The following PRKD3 variants were observed in gnomAD, a reference collection of about 807,000 sequenced individuals.
The protein encoded by PRKD3 is serine/threonine-protein kinase D3.
PRKD3 carries 47 observed loss-of-function variants against 99.2 expected under a neutral mutation model. That is an observed-to-expected ratio of 0.47 (90% confidence interval 0.38 to 0.60). The LOEUF (loss-of-function observed/expected upper bound fraction) is 0.60. Among genes scored for constraint, PRKD3 ranks in the 20% least tolerant of loss-of-function variants. The pLI, the probability that PRKD3 is intolerant of heterozygous loss-of-function variation, is 0.00. For synonymous variants in PRKD3, 392 were observed against 355.4 expected (o/e 1.10, Z -1.16); for missense variants, 1,019 against 1,088.4 (o/e 0.94, Z 0.90).
At chr2:37,269,319 A>C in intron 13 of PRKD3, 1 of 357,516 alleles carries the variant, frequency 2.8e-6, no homozygotes, top group Non-Finnish European at 5.3e-6. Flanking sequence ...AGCCCAACAT[A>C]AACTTCAAAC....
chr2:37,276,144 C>T (rs866599428), intron 9 of PRKD3, among the ~76,000 whole-genome samples: 1 of 152,060 alleles, frequency 6.6e-6, no homozygotes, highest in Admixed American at 6.6e-5. Context: ...GACACATACA[C>T]ACACACACAT....
At chr2:37,260,918 A>G (rs1205856669) in intron 14 of PRKD3, among the ~76,000 whole-genome samples, 1 of 152,226 alleles carries the variant, frequency 6.6e-6, no homozygotes, top group Non-Finnish European at 1.5e-5. Context: ...CTAGGTTACA[A>G]GGGTTGGAGA....
intron 14 of PRKD3, among the ~76,000 whole-genome samples, chr2:37,262,456 C>T (rs1572620704): frequency 6.6e-6 from 1 of 152,178 alleles, no homozygotes; most frequent in African/African-American, 2.4e-5. Flanking sequence ...GCAAAATAGA[C>T]TTGTTTGCTA....
intron 6 of PRKD3, among the ~76,000 whole-genome samples, chr2:37,284,913 G>C (rs1670021306): frequency 6.6e-6 from 1 of 151,854 alleles, no homozygotes; most frequent in African/African-American, 2.4e-5. Context: ...TTTAACATTA[G>C]GTATATCTCC....
At chr2:37,286,418 G>A in intron 5 of PRKD3, 49 bp from the exon 6 acceptor site, 4 of 1,499,676 alleles carry the variant, frequency 2.7e-6, no homozygotes, top group Non-Finnish European at 3.7e-6. Context: ...TAAAAACAGA[G>A]TAGTGGGAGC....
intron 14 of PRKD3, among the ~76,000 whole-genome samples, chr2:37,265,812 TATA>T (rs1668798813): frequency 6.6e-6 from 1 of 152,200 alleles, no homozygotes; most frequent in South Asian, 2.1e-4. Context: ...ACCAAAATGA[TATA>T]ATAATGAAGT....
intron 1 of PRKD3, among the ~76,000 whole-genome samples, chr2:37,322,090 C>T (rs950607329): frequency 6.6e-6 from 1 of 152,152 alleles, no homozygotes; most frequent in Non-Finnish European, 1.5e-5. Context: ...AGGGTTGTGT[C>T]CACGCCTCTT....
chr2:37,317,150 A>G lies in PRKD3; in HGVS notation c.-626T>C. On this transcript the variant is annotated 5_prime_UTR_variant, in exon 2 of 19. Transcript: ENST00000234179. ...CATTAGATGAATGGGTCCATCGAGA[A>G]AAGCTGATGCTTTCTGACATATAGT... is the stretch of plus-strand genomic sequence containing the variant. 1 of 985,112 alleles carries G rather than the reference A, an allele frequency of 1.0e-6. No homozygotes were observed. The highest frequency in any genetic ancestry group is 1.2e-6 in the Non-Finnish European group (1 of 829,610). The allele number at this position is 985,112 out of a possible 1,614,324, so 61.0% of individuals were successfully genotyped here. A position where few individuals can be genotyped will look rare whatever the true frequency, so the allele number is the denominator to read the frequency against.
chr2:37,314,380 T>C (rs1671571718), intron 2 of PRKD3, among the ~76,000 whole-genome samples: 1 of 152,180 alleles, frequency 6.6e-6, no homozygotes, highest in South Asian at 2.1e-4. Context: ...CTATATCCTA[T>C]TTCCCTGACA....
At chr2:37,321,906 C>G (rs114222765) in intron 1 of PRKD3, among the ~76,000 whole-genome samples, 1 of 152,156 alleles carries the variant, frequency 6.6e-6, no homozygotes, top group East Asian at 1.9e-4. Context: ...AAAAGAAGTT[C>G]ATTATTTAGT....
chr2:37,301,444 A>C, intron 2 of PRKD3, among the ~76,000 whole-genome samples: 1 of 145,688 alleles, frequency 6.9e-6, no homozygotes, highest in South Asian at 2.2e-4. Context: ...TCTGGATTAC[A>C]TTTTTTTTTT....
rs373745205 is a variant in PRKD3, at chr2:37,267,346, TAA to T, written c.1884+82_1884+83del. 7,584 of 768,840 alleles carry T rather than the reference TAA, an allele frequency of 9.9e-3. 1 individual carries two copies. The highest frequency in any genetic ancestry group is 0.024 in the South Asian group (1,039 of 44,110). The allele number at this position is 768,840 out of a possible 1,614,324, so 47.6% of individuals were successfully genotyped here. ...TTACCATAATCTAATTTTGCCTTCT[TAA>T]AAAAAAAAAAAAAAGAGAAGCAGTT... On this transcript the variant is annotated intron_variant, in intron 14 of 18. Transcript: ENST00000234179.
rs980860493 is a variant in PRKD3, at chr2:37,300,699, G to A, written c.289-7428C>T. 4.6e-5 allele frequency among the ~76,000 whole-genome samples: 7 copies of A among 152,114 alleles called. No homozygotes were observed. In the East Asian group the frequency reaches 5.8e-4, roughly 13 times the overall value. On this transcript the variant is annotated intron_variant, in intron 2 of 18. Coordinates refer to ENST00000234179, the MANE Select transcript of PRKD3 (RefSeq NM_005813.6). ...ATAGAAATAAAAGAGATTAGAACTC[G>A]TCATAAGCTAAATACACCTTAGCTA...
chr2:37,287,397 C>T (rs776938543), intron 5 of PRKD3, among the ~76,000 whole-genome samples: 1 of 151,462 alleles, frequency 6.6e-6, no homozygotes, highest in African/African-American at 2.4e-5. Flanking sequence ...TTTTTCTCCT[C>T]CCCTTACTTC....
chr2:37,254,966 A>C (rs1158453736), intron 17 of PRKD3, among the ~76,000 whole-genome samples: 1 of 152,254 alleles, frequency 6.6e-6, no homozygotes, highest in Non-Finnish European at 1.5e-5. Flanking sequence ...CAATAACTAC[A>C]TACTAACTAC....
chr2:37,296,635 T>C (rs112816754), intron 2 of PRKD3, among the ~76,000 whole-genome samples: 6,815 of 152,140 alleles, frequency 0.045, 168 homozygotes, highest in African/African-American at 0.052. Context: ...CAGTGGCTCA[T>C]GCCTGTAATC....
rs1015239947 is a variant in PRKD3 at position 37,250,633 on chromosome 2, A to G, written c.*2544T>C. On this transcript the variant is annotated 3_prime_UTR_variant, in exon 19 of 19. Transcript: ENST00000234179. The stretch of plus-strand genomic sequence containing the variant: ...AATAGTTCTTTTACCAAGGTCTGGT[A>G]AAATAACACAACCAGGTCAAACTTT... The G allele has an allele frequency of 3.3e-5, 5 of 152,338 alleles. No individual in the cohort carries two copies. Among genetic ancestry groups the G allele is most frequent in the South Asian group, 2.1e-4 (1 of 4,822 alleles). The allele number at this position is 152,338 out of a possible 1,614,324, so 9.4% of individuals were successfully genotyped here. A position where few individuals can be genotyped will look rare whatever the true frequency, so the allele number is the denominator to read the frequency against.
chr2:37,275,836 C>T lies in PRKD3; in HGVS notation c.1305G>A (p.Arg435=), dbSNP rs1287211882. 1.9e-6 allele frequency: 3 copies of T among 1,604,908 alleles called. No individual in the cohort carries two copies. In the East Asian group the frequency reaches 6.7e-5, roughly 36 times the overall value. ...ATTTGCTGTCAAGTCTCCAATAATG[C>T]CTCTTTCTCTATAAAATGAAGATTG... ...HYTSRDNLRK[R]HYWRLDSKCL... is the part of the protein sequence containing the mutation. The change falls in exon 10 of 19, where the codon AGG becomes AGA. Residue 435 remains arginine (R), a synonymous_variant. Transcript: ENST00000234179.
At chr2:37,267,657 C>G in intron 13 of PRKD3, 121 bp from the exon 14 acceptor site, 4 of 747,462 alleles carry the variant, frequency 5.4e-6, no homozygotes, top group Non-Finnish European at 8.9e-6. Context: ...CATTTTTGTT[C>G]TTTCTCCACA....
Sources: allele counts gnomAD v4.1 joint callset (sites outside exome capture counted in the v4.1 genomes callset), GRCh38; gene constraint gnomAD v4.1.1; transcripts MANE v1.5; gene names NCBI Gene and HGNC (gene_info 2026-07-23, HGNC 2026-07-21).